Variants in MYO9B observed in about 807,000 individuals in gnomAD.
MYO9B encodes unconventional myosin-IXb.
Under a neutral mutation model 229.5 loss-of-function variants are expected in MYO9B, and 71 were observed. The ratio of observed to expected loss-of-function variants is 0.31; its 90% CI spans 0.26 to 0.38. The LOEUF (loss-of-function observed/expected upper bound fraction) is 0.38, where lower values mean the gene tolerates loss of function less well. MYO9B is among the 10% of genes least tolerant of loss of function. MYO9B has a pLI of 1.00. For synonymous variants in MYO9B, 1,185 were observed against 1,235.8 expected, an observed-to-expected ratio of 0.96 and a Z score of 0.86; for missense variants, 2,255 against 2,920.5, an observed-to-expected ratio of 0.77 and a Z score of 5.25.
intron 1 of MYO9B, among the ~76,000 whole-genome samples, chr19:17,081,961 CG>C (rs2057538044): frequency 6.6e-6 from 1 of 151,798 alleles, no homozygotes; most frequent in South Asian, 2.1e-4. Flanking sequence ...GGGCATGGGG[CG>C]GGGGTATATC....
chr19:17,183,905 A>G, intron 16 of MYO9B, 37 bp downstream of exon 16: 1 of 1,542,100 alleles, frequency 6.5e-7, no homozygotes, highest in Non-Finnish European at 8.7e-7. Context: ...ACACGTTCCA[A>G]GATATCTTGC....
chr19:17,208,232 G>T (rs145566073), intron 35 of MYO9B, among the ~76,000 whole-genome samples: 2 of 147,526 alleles, frequency 1.4e-5, no homozygotes, highest in South Asian at 2.1e-4. Context: ...CCAGCTACTC[G>T]GGAGGCTGAG....
chr19:17,180,800 C>T (rs1180639916), intron 14 of MYO9B, 127 bp from the exon 15 acceptor site: 2 of 609,012 alleles, frequency 3.3e-6, no homozygotes, highest in Non-Finnish European at 5.8e-6. Context: ...TGTCTTTCCC[C>T]CAGCTGCATG....
intron 2 of MYO9B, among the ~76,000 whole-genome samples, chr19:17,128,601 A>T (rs2072154282): frequency 6.6e-6 from 1 of 152,310 alleles, no homozygotes; most frequent in East Asian, 1.9e-4. Context: ...CAGCCTTGGG[A>T]TGTGGCCTCC....
At chr19:17,106,966 G>A (rs2057798291) in intron 2 of MYO9B, among the ~76,000 whole-genome samples, 2 of 152,222 alleles carry the variant, frequency 1.3e-5, no homozygotes, top group Admixed American at 1.3e-4. Context: ...CGGAGGCTGA[G>A]GCAGGAGAAT....
At chr19:17,158,488 G>A (rs1054979961) in intron 7 of MYO9B, among the ~76,000 whole-genome samples, 4 of 151,910 alleles carry the variant, frequency 2.6e-5, no homozygotes, top group South Asian at 2.1e-4. Context: ...CCAGCTATTC[G>A]GGAGGCTGAG....
At chr19:17,130,398 C>T (rs1387791986) in intron 2 of MYO9B, among the ~76,000 whole-genome samples, 2 of 152,060 alleles carry the variant, frequency 1.3e-5, no homozygotes, top group Non-Finnish European at 2.9e-5. Flanking sequence ...AGGCGGATCA[C>T]GAGGTCAGGA....
chr19:17,206,273 C>A lies in MYO9B; in HGVS notation c.5283C>A (p.Asn1761Lys). Residue 1761 changes from asparagine to lysine, a missense_variant, in exon 33 of 40, where the codon AAC becomes AAA. This residue lies in a region of MYO9B where 416 missense variants were observed against 605.5 expected (regional missense o/e 0.69). Transcript: ENST00000682292. ...ACCCCGCAGCAGTCAAGCTGGAGAA[C>A]TTCCCCATCCACGCCATCACAGGGG... is the stretch of plus-strand genomic sequence containing the variant. ...QTDPAAVKLE[N>K]FPIHAITGVL... 6.6e-7 allele frequency: 1 copy of A among 1,524,856 alleles called. No individual in the cohort carries two copies. The highest frequency in any genetic ancestry group is 8.8e-7 in the Non-Finnish European group (1 of 1,141,426). 94.5% of individuals were successfully genotyped at this position (1,524,856 alleles called of 1,614,324 possible).
chr19:17,076,560 G>A (rs1391901886), intron 1 of MYO9B, among the ~76,000 whole-genome samples: 1 of 152,064 alleles, frequency 6.6e-6, no homozygotes, highest in East Asian at 1.9e-4. Context: ...TAGATGTTGA[G>A]ATGCAGCCCC....
chr19:17,133,469 T>G (rs1295850374), intron 2 of MYO9B, among the ~76,000 whole-genome samples: 4 of 151,952 alleles, frequency 2.6e-5, no homozygotes, highest in Non-Finnish European at 4.4e-5. Flanking sequence ...CTACTTCCGT[T>G]TTTTTGAGAC....
At chr19:17,167,199 ATTT>A (rs79129217) in intron 10 of MYO9B, among the ~76,000 whole-genome samples, 3 of 134,626 alleles carry the variant, frequency 2.2e-5, no homozygotes, top group Admixed American at 7.5e-5. Flanking sequence ...AAAGTTTTGG[ATTT>A]TTTTTTTTTT....
intron 1 of MYO9B, among the ~76,000 whole-genome samples, chr19:17,076,285 G>C (rs1332623403): frequency 3.3e-5 from 5 of 151,916 alleles, no homozygotes; most frequent in Non-Finnish European, 7.4e-5. Context: ...GAAGGGGTGC[G>C]AGACCGATCT....
In MYO9B at chr19:17,195,268, A is replaced by G. The variant is rs1296329098; in HGVS notation, c.3841A>G (p.Ser1281Gly). 6.2e-7 allele frequency: 1 copy of G among 1,612,120 alleles called. No individual in the cohort carries two copies. The highest frequency in any genetic ancestry group is 1.3e-5 in the African/African-American group (1 of 74,784). Residue 1281 changes from serine to glycine, a missense_variant, in exon 22 of 40, where the codon AGC becomes GGC. This residue lies in a region of MYO9B where 679 missense variants were observed against 770.2 expected (regional missense o/e 0.88). Coordinates refer to ENST00000682292, the MANE Select transcript of MYO9B (RefSeq NM_004145.4). This position sits in a 1 kb window ranked among gnomAD's most constrained non-coding sequence, Gnocchi z 4.5. ...CGAGGACAAGAGCAAACCATGTGGC[A>G]GCCCAAGGGTTCAGGAAAAGCCCGA... ...TPEDKSKPCGSPRVQEKPDSP... is the reference protein window; with the variant it reads ...TPEDKSKPCGGPRVQEKPDSP...
At chr19:17,171,236 G>T (rs2072721488) in intron 11 of MYO9B, among the ~76,000 whole-genome samples, 1 of 152,176 alleles carries the variant, frequency 6.6e-6, no homozygotes, top group Admixed American at 6.6e-5. Flanking sequence ...CAAAAGTGGG[G>T]CCGGGCTCAG....
chr19:17,201,847 A>C, intron 26 of MYO9B, 79 bp from the exon 27 acceptor site: 3 of 1,008,740 alleles, frequency 3.0e-6, no homozygotes, highest in Non-Finnish European at 4.6e-6. Context: ...AGAGGATAGA[A>C]GTGACCCCTT....
At position 17,181,041 on chromosome 19, in the gene MYO9B, G is replaced by C; in HGVS notation, c.2333+1G>C. 6.2e-7 allele frequency: 1 copy of C among 1,600,424 alleles called. No individual in the cohort carries two copies. The highest frequency in any genetic ancestry group is 8.5e-7 in the Non-Finnish European group (1 of 1,171,196). The stretch of plus-strand genomic sequence containing the variant: ...TCCAGAAACCCCGCGCCTTCATCCT[G>C]TGAGTCCCCCACCAAGGCCCTGCTT... On this transcript the variant is annotated splice_donor_variant, in intron 15 of 39. Transcript: ENST00000682292. LOFTEE classifies it high-confidence loss of function.
chr19:17,118,334 G>A (rs2057926951), intron 2 of MYO9B, among the ~76,000 whole-genome samples: 4 of 151,846 alleles, frequency 2.6e-5, no homozygotes, highest in Non-Finnish European at 5.9e-5. Flanking sequence ...GGGAGCCATG[G>A]CTCACGCCTG....
intron 9 of MYO9B, among the ~76,000 whole-genome samples, chr19:17,162,670 T>C (rs1188866877): frequency 6.6e-6 from 1 of 151,900 alleles, no homozygotes; most frequent in Admixed American, 6.6e-5. Context: ...AGGCCCCTTA[T>C]TCAAAAACGA....
intron 24 of MYO9B, among the ~76,000 whole-genome samples, chr19:17,198,734 C>CAAA (rs59292415): frequency 6.6e-4 from 27 of 41,074 alleles, no homozygotes; most frequent in East Asian, 2.5e-3. Flanking sequence ...GACTCCGTCT[C>CAAA]AAAAAAAAAA....
Sources: gnomAD v4.1 joint callset for allele counts (sites outside exome capture counted in the v4.1 genomes callset) on GRCh38, gnomAD v4.1.1 for gene constraint, gnomAD v4.1.1 regional missense constraint, Gnocchi (gnomAD v3.1) non-coding constraint, MANE v1.5 for transcripts, NCBI Gene and HGNC (gene_info 2026-07-23, HGNC 2026-07-21) for gene names.